ATP13A4: variants seen among roughly 807,000 people sequenced by gnomAD.
ATP13A4 encodes the protein probable cation-transporting ATPase 13A4.
In ATP13A4, 114 loss-of-function variants were observed where a neutral mutation model predicts 142.5. That is an observed-to-expected ratio of 0.80 (90% CI 0.69 to 0.93). ATP13A4 has a LOEUF of 0.93. Among genes scored for constraint, ATP13A4 ranks in the 40% least tolerant of loss-of-function variants. ATP13A4 has a pLI of 0.00. For missense variants in ATP13A4, 1,392 were observed against 1,454.0 expected (o/e 0.96, Z 0.69); for synonymous variants, 488 against 514.8 (o/e 0.95, Z 0.70).
At chr3:193,449,643 T>C (rs2108629745) in intron 17 of ATP13A4, among the ~76,000 whole-genome samples, 1 of 152,350 alleles carries the variant, frequency 6.6e-6, no homozygotes, top group Middle Eastern at 3.4e-3. Flanking sequence ...CCAGCCAAGT[T>C]GAACCACTAG....
At chr3:193,488,530 A>C (rs568395065) in intron 7 of ATP13A4, among the ~76,000 whole-genome samples, 7 of 152,162 alleles carry the variant, frequency 4.6e-5, no homozygotes, top group Non-Finnish European at 8.8e-5. Context: ...AAGGAAAAAA[A>C]CAGCTAATTT....
intron 25 of ATP13A4, among the ~76,000 whole-genome samples, chr3:193,424,657 A>G (rs1281910909): frequency 1.3e-5 from 2 of 149,566 alleles, no homozygotes; most frequent in Non-Finnish European, 3.0e-5. Context: ...TCTCTCACCA[A>G]ATAAGAAAAT....
intron 23 of ATP13A4, among the ~76,000 whole-genome samples, chr3:193,436,378 A>G (rs899929179): frequency 5.3e-5 from 8 of 152,234 alleles, no homozygotes; most frequent in African/African-American, 1.9e-4. Flanking sequence ...AATAGATGAC[A>G]CATGAAATGT....
At chr3:193,484,081 C>CT in intron 7 of ATP13A4, 76 bp from the exon 8 acceptor site, 1 of 1,272,712 alleles carries the variant, frequency 7.9e-7, no homozygotes, top group Non-Finnish European at 1.1e-6. Flanking sequence ...TGCTAGGCTT[C>CT]TTTAAAGATA....
At chr3:193,492,792 A>T (rs1560229313) in intron 5 of ATP13A4, 125 bp downstream of exon 5, 3 of 755,788 alleles carry the variant, frequency 4.0e-6, no homozygotes, top group Non-Finnish European at 6.7e-6. Flanking sequence ...TAATTTAATA[A>T]TACTAAATAG....
intron 28 of ATP13A4, among the ~76,000 whole-genome samples, chr3:193,409,850 ATCAG>A (rs1003337777): frequency 4.6e-5 from 7 of 152,212 alleles, no homozygotes; most frequent in Non-Finnish European, 1.0e-4. Flanking sequence ...ATACGCAATG[ATCAG>A]TCAGTCATTC....
intron 8 of ATP13A4, among the ~76,000 whole-genome samples, chr3:193,473,027 T>C (rs981521364): frequency 2.0e-5 from 3 of 152,232 alleles, no homozygotes; most frequent in Non-Finnish European, 2.9e-5. Flanking sequence ...CCAATAGTAA[T>C]GAGCACATCC....
chr3:193,451,965 T>C (rs1349104235), intron 17 of ATP13A4, among the ~76,000 whole-genome samples: 1 of 152,174 alleles, frequency 6.6e-6, no homozygotes, highest in African/African-American at 2.4e-5. Flanking sequence ...TTGTGATTTG[T>C]GTTTAGACCA....
chr3:193,460,790 A>G (rs1475924649), intron 13 of ATP13A4, among the ~76,000 whole-genome samples: 1 of 152,188 alleles, frequency 6.6e-6, no homozygotes, highest in African/African-American at 2.4e-5. Flanking sequence ...CAAATACATA[A>G]AGCTCTCTAT....
chr3:193,541,469 G>A (rs1287595801), intron 1 of ATP13A4, among the ~76,000 whole-genome samples: 3 of 149,058 alleles, frequency 2.0e-5, no homozygotes, highest in Non-Finnish European at 4.4e-5. Flanking sequence ...ATTTCACAGA[G>A]ATATTATCTC....
intron 1 of ATP13A4, among the ~76,000 whole-genome samples, chr3:193,535,894 C>A (rs1722565681): frequency 6.6e-6 from 1 of 151,712 alleles, no homozygotes. Flanking sequence ...TAAAATAAAC[C>A]AATTGCTTGA....
At chr3:193,407,544 T>A (rs576346452) in intron 28 of ATP13A4, 151 bp from the exon 29 acceptor site, 52 of 531,742 alleles carry the variant, frequency 9.8e-5, no homozygotes, top group Non-Finnish European at 2.0e-5. Flanking sequence ...ATATAAAAAA[T>A]TTCTATGCTT....
chr3:193,462,276 C>G (rs976230935), intron 13 of ATP13A4, among the ~76,000 whole-genome samples: 44 of 151,326 alleles, frequency 2.9e-4, no homozygotes, highest in African/African-American at 9.9e-4. Flanking sequence ...AAGTAGAGTT[C>G]TCAAAATTTG....
Position 193,502,490 on chromosome 3 carries a change from T to C in ATP13A4, c.381+3A>G. On this transcript the variant is annotated splice_donor_region_variant and intron_variant, in intron 3 of 29. Transcript: ENST00000342695. ...CATCAGCAGTAGCCATAAGTTTACT[T>C]ACCTTTAGGTCTGGCTTTCTTATGG... 6.2e-7 allele frequency: 1 copy of C among 1,613,902 alleles called. No individual in the cohort carries two copies. The highest frequency in any genetic ancestry group is 8.5e-7 in the Non-Finnish European group (1 of 1,179,798).
intron 1 of ATP13A4, among the ~76,000 whole-genome samples, chr3:193,546,228 G>C (rs1723214798): frequency 6.6e-6 from 1 of 152,084 alleles, no homozygotes; most frequent in Admixed American, 6.6e-5. Context: ...CTCCTGAATA[G>C]TATCAAGGAA....
At chr3:193,428,171 C>T (rs1392308928) in intron 25 of ATP13A4, among the ~76,000 whole-genome samples, 2 of 151,986 alleles carry the variant, frequency 1.3e-5, no homozygotes, top group Non-Finnish European at 2.9e-5. Flanking sequence ...ATTTATGCAG[C>T]CAAAAGACAC....
chr3:193,402,806 T>G lies in ATP13A4; in HGVS notation c.3437A>C (p.Gln1146Pro). ...CCATATCCGATACTGGCTTTTTGAC[T>G]GATAGCCGAAACATCTTTTAATCAT... ...WMMIKRCFGY[Q>P]SKSQYRIWQR... The change falls in exon 30 of 30, where the codon CAG becomes CCG. Residue 1146 changes from glutamine to proline, a missense_variant. Gln to Pro is a moderately conservative substitution (Grantham distance 76). Coordinates refer to ENST00000342695, the MANE Select transcript of ATP13A4 (RefSeq NM_032279.4). 2 of 1,614,210 alleles carry G rather than the reference T, an allele frequency of 1.2e-6. No homozygotes were observed. The highest frequency in any genetic ancestry group is 1.7e-6 in the Non-Finnish European group (2 of 1,180,018).
chr3:193,559,868 T>C (rs1259855763), upstream of ATP13A4, among the ~76,000 whole-genome samples: 1 of 152,206 alleles, frequency 6.6e-6, no homozygotes, highest in Non-Finnish European at 1.5e-5. Context: ...CTTACCTCAG[T>C]TGACAGCTGT....
chr3:193,551,755 C>T (rs1285437357), intron 1 of ATP13A4, among the ~76,000 whole-genome samples: 1 of 152,198 alleles, frequency 6.6e-6, no homozygotes, highest in African/African-American at 2.4e-5. Flanking sequence ...CCAGTGCTCT[C>T]CCAGAGTTTC....
Sources: allele counts gnomAD v4.1 joint callset (sites outside exome capture counted in the v4.1 genomes callset), GRCh38; gene constraint gnomAD v4.1.1; transcripts MANE v1.5; gene names NCBI Gene and HGNC (gene_info 2026-07-23, HGNC 2026-07-21).